Variants in VLDLR observed in about 807,000 individuals in gnomAD.
VLDLR encodes the protein very low-density lipoprotein receptor.
Under a neutral mutation model 112.7 loss-of-function variants are expected in VLDLR, and 81 were observed. The observed-to-expected ratio is 0.72, with a 90% CI of 0.60 to 0.86. The LOEUF (loss-of-function observed/expected upper bound fraction) is 0.86. Among genes scored for constraint, VLDLR ranks in the 40% least tolerant of loss-of-function variants. The pLI is 0.00. For synonymous variants in VLDLR, 436 were observed against 384.8 expected (o/e 1.13, Z -1.56); for missense variants, 1,237 against 1,099.4 (o/e 1.13, Z -1.77).
intron 3 of VLDLR, among the ~76,000 whole-genome samples, chr9:2,641,095 C>T (rs576295803): frequency 2.8e-4 from 43 of 152,288 alleles, no homozygotes; most frequent in Non-Finnish European, 4.9e-4. Flanking sequence ...CAATAAACTT[C>T]ACCACGCCAA....
At chr9:2,635,217 G>T (rs1817548792) in intron 1 of VLDLR, among the ~76,000 whole-genome samples, 1 of 152,068 alleles carries the variant, frequency 6.6e-6, no homozygotes, top group Admixed American at 6.6e-5. Flanking sequence ...TAGCCCCTTG[G>T]CTGCACCTCA....
intron 14 of VLDLR, among the ~76,000 whole-genome samples, chr9:2,650,122 A>T (rs1013862333): frequency 6.6e-6 from 1 of 152,134 alleles, no homozygotes; most frequent in Non-Finnish European, 1.5e-5. Context: ...CTCTTTTGGC[A>T]TCTGTCTCTT....
At chr9:2,647,622 A>G (rs759073046) in intron 12 of VLDLR, 30 bp downstream of exon 12, 3 of 1,556,428 alleles carry the variant, frequency 1.9e-6, no homozygotes, top group African/African-American at 1.4e-5. Flanking sequence ...TCGACCACCC[A>G]CTCAACTATC....
Position 2,641,968 on chromosome 9 carries a change from G to GAA in VLDLR, c.448+484_448+485dup, listed in dbSNP as rs57594382. On this transcript the variant is annotated intron_variant, in intron 4 of 18. Coordinates refer to ENST00000382100, the MANE Select transcript of VLDLR (RefSeq NM_003383.5). ...ACTAGATTCTGGCATAACTTTCCCA[G>GAA]AAAAAAAAAAAAAAAAGACACAGAA... Among the ~76,000 whole-genome samples the GAA allele has an allele frequency of 2.7e-3, 292 of 106,536 alleles. 1 individual carries two copies. Among genetic ancestry groups the GAA allele is most frequent in the African/African-American group, 8.3e-3 (261 of 31,570 alleles). 69.9% of individuals were successfully genotyped at this position (106,536 alleles called of 152,430 possible).
chr9:2,642,405 A>C (rs1045745850), intron 4 of VLDLR, among the ~76,000 whole-genome samples: 1 of 152,194 alleles, frequency 6.6e-6, no homozygotes, highest in Non-Finnish European at 1.5e-5. Context: ...CAATCCTAGA[A>C]TTGGGTTTTC....
intron 3 of VLDLR, 138 bp from the exon 4 acceptor site, chr9:2,641,239 G>A (rs1380973725): frequency 2.9e-6 from 4 of 1,362,184 alleles, no homozygotes; most frequent in Middle Eastern, 4.3e-4. Flanking sequence ...GAGCTCCCCG[G>A]GCTTCAGCCA....
At chr9:2,628,486 G>A (rs1817196456) in intron 1 of VLDLR, among the ~76,000 whole-genome samples, 1 of 152,172 alleles carries the variant, frequency 6.6e-6, no homozygotes, top group South Asian at 2.1e-4. Flanking sequence ...AAAAGTCTGA[G>A]GAAATTAGTA....
At chr9:2,625,421 A>G (rs562827706) in intron 1 of VLDLR, among the ~76,000 whole-genome samples, 33 of 152,306 alleles carry the variant, frequency 2.2e-4, no homozygotes, top group Admixed American at 5.2e-4. Context: ...ACAGAATGTA[A>G]ATTTGTTCTT....
At chr9:2,653,622 A>G (rs1336053797) in intron 18 of VLDLR, among the ~76,000 whole-genome samples, 1 of 152,238 alleles carries the variant, frequency 6.6e-6, no homozygotes, top group Non-Finnish European at 1.5e-5. Flanking sequence ...AATTAGTCAC[A>G]CTATCTTATC....
In VLDLR at chr9:2,622,230, C is replaced by G; in HGVS notation, c.41C>G (p.Ala14Gly). The change falls in exon 1 of 19, where the codon GCG becomes GGG. Residue 14 changes from alanine (A) to glycine (G), a missense_variant. Ala to Gly is a moderately conservative substitution (Grantham distance 60, BLOSUM62 0). Transcript: ENST00000382100. ...SALWALWLLLALCWAPRESGA... is the reference protein window; with the variant it reads ...SALWALWLLLGLCWAPRESGA... The stretch of plus-strand genomic sequence containing the variant: ...CTCTGGGCGCTCTGGCTGCTGCTCG[C>G]GCTGTGCTGGGCGCCCCGGGAGAGC... The G allele has an allele frequency of 1.3e-6, 2 of 1,506,422 alleles. No individual in the cohort carries two copies. The highest frequency in any genetic ancestry group is 1.8e-6 in the Non-Finnish European group (2 of 1,134,440). The allele number at this position is 1,506,422 out of a possible 1,614,324, so 93.3% of individuals were successfully genotyped here. A position where few individuals can be genotyped will look rare whatever the true frequency, so the allele number is the denominator to read the frequency against.
In VLDLR at chr9:2,622,167, G is replaced by A; in HGVS notation, c.-23G>A. 7.0e-7 allele frequency: 1 copy of A among 1,421,746 alleles called. No homozygotes were observed. Among genetic ancestry groups the A allele is most frequent in the Non-Finnish European group, 9.3e-7 (1 of 1,077,328 alleles). The allele number at this position is 1,421,746 out of a possible 1,614,324, so 88.1% of individuals were successfully genotyped here. A position where few individuals can be genotyped will look rare whatever the true frequency, so the allele number is the denominator to read the frequency against. The stretch of plus-strand genomic sequence containing the variant: ...GCGAACGGCGGCGGCGGCGGCGGCG[G>A]CGGCACCATCCAGGCGGGCACCATG... On this transcript the variant is annotated 5_prime_UTR_variant, in exon 1 of 19. Transcript: ENST00000382100.
In VLDLR at chr9:2,658,830, A is replaced by G. The variant is rs375725405; in HGVS notation, c.*4962A>G. On this transcript the variant is annotated 3_prime_UTR_variant, in exon 19 of 19. Coordinates refer to ENST00000382100, the MANE Select transcript of VLDLR (RefSeq NM_003383.5). ...GTGAAAGTCACAGGTACCTTTATCT[A>G]TGATGAATGTAATGTGTTAGATGGT... The G allele has an allele frequency of 1.3e-5, 2 of 152,184 alleles. No individual in the cohort carries two copies. The highest frequency in any genetic ancestry group is 1.9e-4 in the East Asian group (1 of 5,194). The allele number at this position is 152,184 out of a possible 1,614,324, so 9.4% of individuals were successfully genotyped here. A position where few individuals can be genotyped will look rare whatever the true frequency, so the allele number is the denominator to read the frequency against.
Position 2,645,006 on chromosome 9 carries a change from C to T in VLDLR, c.1236C>T (p.Asn412=). ...GAATCTGCAGTCAAATTTGTATCAA[C>T]TTAAAAGGCGGTTACAAGTGTGAAT... The part of the protein sequence containing the change: ...NPGICSQICI[N]LKGGYKCECS... Residue 412 remains asparagine (N), a synonymous_variant, in exon 9 of 19, where the codon AAC becomes AAT. Coordinates refer to ENST00000382100, the MANE Select transcript of VLDLR (RefSeq NM_003383.5). 6.2e-7 allele frequency: 1 copy of T among 1,614,164 alleles called. No homozygotes were observed. The highest frequency in any genetic ancestry group is 8.5e-7 in the Non-Finnish European group (1 of 1,180,032).
intron 1 of VLDLR, 22 bp downstream of exon 1, chr9:2,622,293 C>T (rs373471665): frequency 2.7e-6 from 4 of 1,455,658 alleles, no homozygotes; most frequent in East Asian, 5.9e-5. Flanking sequence ...CGCGCCCCTC[C>T]GCCGGCGGGC....
chr9:2,633,065 T>C (rs1378470949), intron 1 of VLDLR, among the ~76,000 whole-genome samples: 1 of 147,910 alleles, frequency 6.8e-6, no homozygotes, highest in Non-Finnish European at 1.5e-5. Context: ...TGTGTGTGTG[T>C]GTGTGTGTGT....
chr9:2,646,861 C>G (rs1818102555), intron 11 of VLDLR, among the ~76,000 whole-genome samples: 1 of 152,132 alleles, frequency 6.6e-6, no homozygotes, highest in Non-Finnish European at 1.5e-5. Context: ...AGTTTCTACG[C>G]AAGTGATTTT....
chr9:2,641,428 A>G lies in VLDLR; in HGVS notation c.377A>G (p.Gln126Arg), dbSNP rs757511080. 2.2e-5 allele frequency: 35 copies of G among 1,614,208 alleles called. No homozygotes were observed. Among genetic ancestry groups the G allele is most frequent in the Non-Finnish European group, 2.8e-5 (33 of 1,180,038 alleles). ...ATCAGCTGTGGCGCCCATTCTACTC[A>G]GTGTATCCCAGTGTCCTGGAGATGT... ...HEISCGAHST[Q>R]CIPVSWRCDG... Residue 126 changes from glutamine to arginine, a missense_variant, in exon 4 of 19, where the codon CAG becomes CGG. Gln to Arg is a conservative substitution (Grantham distance 43). Transcript: ENST00000382100.
Position 2,643,212 on chromosome 9 carries a change from C to A in VLDLR, c.501C>A (p.Ile167=). The A allele has an allele frequency of 6.2e-7, 1 of 1,614,070 alleles. No homozygotes were observed. Among genetic ancestry groups the A allele is most frequent in the Non-Finnish European group, 8.5e-7 (1 of 1,180,038 alleles). ...TCACCTGCTCCAGTGGCCGCTGCAT[C>A]TCCAGGAACTTTGTATGCAATGGCC... is the stretch of plus-strand genomic sequence containing the variant. ...DEFTCSSGRC[I]SRNFVCNGQD... is the part of the protein sequence containing the mutation. The change falls in exon 5 of 19, where the codon ATC becomes ATA. Residue 167 remains isoleucine (I), a synonymous_variant. Transcript: ENST00000382100.
Position 2,659,732 on chromosome 9 carries a change from T to G in VLDLR, c.*5864T>G, listed in dbSNP as rs771523085. On this transcript the variant is annotated 3_prime_UTR_variant, in exon 19 of 19. Coordinates refer to ENST00000382100, the MANE Select transcript of VLDLR (RefSeq NM_003383.5). ...TATAACTCCAGCACTGGATCTTAAG[T>G]ATTCTGGAATATACCAGATTGGTAG... is the stretch of plus-strand genomic sequence containing the variant. 5.9e-5 allele frequency: 9 copies of G among 152,246 alleles called. No individual in the cohort carries two copies. Among genetic ancestry groups the G allele is most frequent in the African/African-American group, 1.2e-4 (5 of 41,474 alleles). The allele number at this position is 152,246 out of a possible 1,614,324, so 9.4% of individuals were successfully genotyped here. A position where few individuals can be genotyped will look rare whatever the true frequency, so the allele number is the denominator to read the frequency against.
Sources: allele counts gnomAD v4.1 joint callset (sites outside exome capture counted in the v4.1 genomes callset), GRCh38; gene constraint gnomAD v4.1.1; transcripts MANE v1.5; gene names NCBI Gene and HGNC (gene_info 2026-07-23, HGNC 2026-07-21).